The following TM4SF20 variants were observed in gnomAD, a reference collection of about 807,000 sequenced individuals.
TM4SF20 encodes the protein transmembrane 4 L6 family member 20.
TM4SF20 carries 13 observed loss-of-function variants against 15.1 expected under a neutral mutation model. That is an observed-to-expected ratio of 0.86 (90% CI 0.56 to 1.36). The LOEUF (loss-of-function observed/expected upper bound fraction) is 1.36. TM4SF20 is among the 40% of genes most tolerant of loss of function. TM4SF20 has a pLI of 0.00. For synonymous variants in TM4SF20, 92 were observed against 96.6 expected, an observed-to-expected ratio of 0.95 and a Z score of 0.28; for missense variants, 282 against 268.4, an observed-to-expected ratio of 1.05 and a Z score of -0.35.
rs79866106 is a variant in TM4SF20, at chr2:227,374,088, T to TAAA, written c.184-3111_184-3109dup. On this transcript the variant is annotated intron_variant, in intron 1 of 3. Coordinates refer to ENST00000304568, the MANE Select transcript of TM4SF20 (RefSeq NM_024795.4). Reference sequence around the variant, plus strand: ...CTAGATGACAAAGTGAGACCCTGTCTAAAAAAAAAAAAAAAAAAAAAAAAG... The same window carrying TAAA: ...CTAGATGACAAAGTGAGACCCTGTCTAAAAAAAAAAAAAAAAAAAAAAAAAAAG... 2.8e-3 allele frequency among the ~76,000 whole-genome samples: 239 copies of TAAA among 85,174 alleles called. 5 individuals carry two copies. The South Asian group carries it at 0.041, about 15-fold the overall frequency. The allele number at this position is 85,174 out of a possible 152,430, so 55.9% of individuals were successfully genotyped here. A position where few individuals can be genotyped will look rare whatever the true frequency, so the allele number is the denominator to read the frequency against.
chr2:227,381,042 A>G (rs563841603), upstream of TM4SF20, among the ~76,000 whole-genome samples: 29 of 152,276 alleles, frequency 1.9e-4, no homozygotes, highest in East Asian at 5.2e-3. Context: ...TGGGAGGGCG[A>G]GGTGGGAGGA....
intron 2 of TM4SF20, among the ~76,000 whole-genome samples, chr2:227,368,733 T>C (rs1332217598): frequency 6.6e-6 from 1 of 152,250 alleles, no homozygotes; most frequent in Non-Finnish European, 1.5e-5. Context: ...GCATGTGTAT[T>C]TCCCCTAAAG....
intron 3 of TM4SF20, among the ~76,000 whole-genome samples, chr2:227,364,709 G>C (rs13428474): frequency 0.024 from 3,627 of 152,264 alleles, 145 homozygotes; most frequent in African/African-American, 0.081. Flanking sequence ...TGTGTAGCAA[G>C]CCAAGGATCA....
At position 227,363,519 on chromosome 2, in the gene TM4SF20, A is replaced by C. The variant is rs559079053; in HGVS notation, c.*205T>G. The C allele has an allele frequency of 6.1e-4, 321 of 525,054 alleles. 7 individuals carry two copies. The East Asian group carries it at 0.01, about 17-fold the overall frequency. 32.5% of individuals were successfully genotyped at this position (525,054 alleles called of 1,614,324 possible). A position where few individuals can be genotyped will look rare whatever the true frequency, so the allele number is the denominator to read the frequency against. On this transcript the variant is annotated 3_prime_UTR_variant, in exon 4 of 4. Coordinates refer to ENST00000304568, the MANE Select transcript of TM4SF20 (RefSeq NM_024795.4). ...TCTCTACACACAGTGAAGAGGTAAA[A>C]AATTTGAATAGTACAACACAAAACT...
chr2:227,368,063 G>A (rs186743993), intron 2 of TM4SF20, among the ~76,000 whole-genome samples: 15,801 of 130,464 alleles, frequency 0.12, 1,000 homozygotes, highest in Middle Eastern at 0.16. Flanking sequence ...TCGCTGTGTC[G>A]CCCAGGCTGG....
intron 1 of TM4SF20, among the ~76,000 whole-genome samples, chr2:227,375,973 C>T (rs901903029): frequency 3.9e-5 from 6 of 152,172 alleles, no homozygotes; most frequent in Non-Finnish European, 8.8e-5. Flanking sequence ...TAAAAATACT[C>T]GAACAAATAA....
chr2:227,365,535 T>C (rs1266733353), intron 3 of TM4SF20, among the ~76,000 whole-genome samples: 1 of 152,248 alleles, frequency 6.6e-6, no homozygotes, highest in Non-Finnish European at 1.5e-5. Context: ...TTCCCATGCA[T>C]ACAGTATATT....
chr2:227,364,107 A>G (rs1399142688), intron 3 of TM4SF20, 95 bp from the exon 4 acceptor site: 1 of 1,264,504 alleles, frequency 7.9e-7, no homozygotes, highest in South Asian at 1.5e-5. Context: ...AAACGAATGT[A>G]CTTTTGAAAT....
intron 2 of TM4SF20, among the ~76,000 whole-genome samples, chr2:227,366,713 T>G (rs950660349): frequency 6.7e-5 from 3 of 44,706 alleles, no homozygotes; most frequent in Non-Finnish European, 8.2e-5. Flanking sequence ...AGCAAGACTC[T>G]GTCAAAAAAA....
chr2:227,364,028 T>G lies in TM4SF20; in HGVS notation c.402-16A>C. The G allele has an allele frequency of 6.3e-7, 1 of 1,598,450 alleles. No individual in the cohort carries two copies. On this transcript the variant is annotated splice_polypyrimidine_tract_variant and intron_variant, in intron 3 of 3. Transcript: ENST00000304568. ...ATGAATGTCACTGAAAAACAAAAGA[T>G]AAAAATCAGATATTCAGAAATATCC...
intron 1 of TM4SF20, among the ~76,000 whole-genome samples, chr2:227,371,273 A>T (rs1275292989): frequency 6.6e-6 from 1 of 152,162 alleles, no homozygotes; most frequent in Non-Finnish European, 1.5e-5. Context: ...ATAGATTAGG[A>T]TGACTTATTT....
intron 2 of TM4SF20, among the ~76,000 whole-genome samples, chr2:227,368,355 A>ATATAT (rs397988096): frequency 3.0e-5 from 4 of 132,058 alleles, no homozygotes; most frequent in South Asian, 2.4e-4. Context: ...ATATATATAT[A>ATATAT]ATTTTTTGTT....
chr2:227,379,291 T>C lies in TM4SF20; in HGVS notation c.-23A>G, dbSNP rs1333293155. On this transcript the variant is annotated 5_prime_UTR_variant, in exon 1 of 4. Transcript: ENST00000304568. ...CATGGTCACCCCTGGCTCAGAAACG[T>C]TGTCAAAGTGGCTATGCTTGCATGG... 1 of 1,608,952 alleles carries C rather than the reference T, an allele frequency of 6.2e-7. No homozygotes were observed. The highest frequency in any genetic ancestry group is 8.5e-7 in the Non-Finnish European group (1 of 1,176,692).
At chr2:227,377,241 C>T (rs1575026308) in intron 1 of TM4SF20, among the ~76,000 whole-genome samples, 1 of 152,178 alleles carries the variant, frequency 6.6e-6, no homozygotes, top group East Asian at 1.9e-4. Flanking sequence ...AAATTGCTAT[C>T]GTTAAGTCAT....
intron 1 of TM4SF20, among the ~76,000 whole-genome samples, chr2:227,371,297 G>C (rs2076420118): frequency 6.6e-6 from 1 of 152,112 alleles, no homozygotes; most frequent in Non-Finnish European, 1.5e-5. Flanking sequence ...CATTATTTTT[G>C]GAAGAAATGT....
chr2:227,378,060 A>ACTCTCTCTCTCT (rs370675463), intron 1 of TM4SF20, among the ~76,000 whole-genome samples: 8 of 147,394 alleles, frequency 5.4e-5, no homozygotes, highest in South Asian at 2.1e-4. Context: ...CTTACAGCTT[A>ACTCTCTCTCTCT]CTCTCTCTCT....
intron 1 of TM4SF20, among the ~76,000 whole-genome samples, chr2:227,376,250 C>T (rs2076450060): frequency 6.6e-6 from 1 of 152,216 alleles, no homozygotes; most frequent in African/African-American, 2.4e-5. Flanking sequence ...GACCAAAGTG[C>T]TTATCACAGG....
chr2:227,371,899 T>C (rs1220998957), intron 1 of TM4SF20, among the ~76,000 whole-genome samples: 1 of 152,246 alleles, frequency 6.6e-6, no homozygotes, highest in Non-Finnish European at 1.5e-5. Flanking sequence ...GATCGCATTC[T>C]GCCTTCAGGG....
upstream of TM4SF20, among the ~76,000 whole-genome samples, chr2:227,380,839 G>A (rs557854104): frequency 6.6e-6 from 1 of 152,152 alleles, no homozygotes; most frequent in East Asian, 1.9e-4. Flanking sequence ...AGCAGTGTGG[G>A]GGGCGCACAC....
Sources: gnomAD v4.1 joint callset for allele counts (sites outside exome capture counted in the v4.1 genomes callset) on GRCh38, gnomAD v4.1.1 for gene constraint, MANE v1.5 for transcripts, NCBI Gene and HGNC (gene_info 2026-07-23, HGNC 2026-07-21) for gene names.